The following SPTLC3 variants were observed in gnomAD, a reference collection of about 807,000 sequenced individuals.
SPTLC3 encodes the protein serine palmitoyltransferase 3.
SPTLC3 carries 36 observed loss-of-function variants against 59.3 expected under a neutral mutation model. The observed-to-expected ratio is 0.61, with a 90% confidence interval of 0.47 to 0.80. The LOEUF (loss-of-function observed/expected upper bound fraction) is 0.80, where lower values mean the gene tolerates loss of function less well. Ranked by LOEUF, SPTLC3 falls within the 30% of genes least tolerant of loss-of-function variation. The pLI, the probability that SPTLC3 is intolerant of heterozygous loss-of-function variation, is 0.00. For synonymous variants in SPTLC3, 257 were observed against 240.8 expected, an observed-to-expected ratio of 1.07 and a Z score of -0.62; for missense variants, 625 against 685.1, an observed-to-expected ratio of 0.91 and a Z score of 0.98.
At chr20:13,012,501 T>C (rs1464488393) in intron 1 of SPTLC3, among the ~76,000 whole-genome samples, 1 of 152,214 alleles carries the variant, frequency 6.6e-6, no homozygotes, top group Non-Finnish European at 1.5e-5. Context: ...CAAAGTTAAA[T>C]GCTAGTGCAA....
chr20:13,159,621 T>C (rs1047751187), intron 10 of SPTLC3, among the ~76,000 whole-genome samples: 6 of 152,242 alleles, frequency 3.9e-5, no homozygotes, highest in African/African-American at 1.4e-4. Context: ...TGGAATTGCA[T>C]TATAGGAACT....
At chr20:13,028,529 A>T (rs1040290331) in intron 1 of SPTLC3, among the ~76,000 whole-genome samples, 2 of 152,224 alleles carry the variant, frequency 1.3e-5, no homozygotes, top group African/African-American at 2.4e-5. Flanking sequence ...CCCTAGGAAG[A>T]TGTCCATATA....
chr20:13,060,272 G>A (rs958315144), intron 2 of SPTLC3, among the ~76,000 whole-genome samples: 3 of 152,006 alleles, frequency 2.0e-5, no homozygotes, highest in Admixed American at 2.0e-4. Flanking sequence ...ACGCAAAATC[G>A]CATCTAAGTT....
intron 11 of SPTLC3, among the ~76,000 whole-genome samples, chr20:13,163,977 A>G (rs1162500991): frequency 2.0e-5 from 3 of 152,128 alleles, no homozygotes; most frequent in Non-Finnish European, 4.4e-5. Context: ...ATATGTATAC[A>G]TGTGCCATGT....
chr20:13,161,643 C>T (rs1185561587), intron 11 of SPTLC3, among the ~76,000 whole-genome samples: 2 of 152,040 alleles, frequency 1.3e-5, no homozygotes, highest in African/African-American at 2.4e-5. Flanking sequence ...CAAAATGCCC[C>T]TCAAAACTGC....
chr20:13,063,233 C>G (rs1443436766), intron 2 of SPTLC3, among the ~76,000 whole-genome samples: 2 of 152,200 alleles, frequency 1.3e-5, no homozygotes, highest in African/African-American at 4.8e-5. Context: ...TCTTCTCAGA[C>G]TGGCAGTTCC....
chr20:13,116,153 T>G (rs1600307420), intron 7 of SPTLC3, among the ~76,000 whole-genome samples: 1 of 151,754 alleles, frequency 6.6e-6, no homozygotes, highest in East Asian at 1.9e-4. Flanking sequence ...CACCCGTTGG[T>G]CTGGGTGACT....
At chr20:13,035,294 T>G (rs1287834916) in intron 1 of SPTLC3, among the ~76,000 whole-genome samples, 1 of 152,178 alleles carries the variant, frequency 6.6e-6, no homozygotes, top group Non-Finnish European at 1.5e-5. Flanking sequence ...GGAGTTTTGA[T>G]GCTGTCGAAA....
At chr20:13,102,600 C>T (rs1989642765) in intron 6 of SPTLC3, among the ~76,000 whole-genome samples, 1 of 152,166 alleles carries the variant, frequency 6.6e-6, no homozygotes, top group Non-Finnish European at 1.5e-5. Flanking sequence ...CTCCATCTCC[C>T]GTACACCTCT....
At chr20:13,019,504 T>G (rs972316865) in intron 1 of SPTLC3, among the ~76,000 whole-genome samples, 6 of 152,090 alleles carry the variant, frequency 3.9e-5, no homozygotes, top group African/African-American at 1.4e-4. Flanking sequence ...GATAGATGAG[T>G]CTTCCACCTT....
chr20:13,160,237 T>C (rs2122995470), intron 11 of SPTLC3, 105 bp downstream of exon 11: 1 of 1,373,834 alleles, frequency 7.3e-7, no homozygotes, highest in East Asian at 2.5e-5. Context: ...TCTTGGGTTA[T>C]TTAGGAAAAC....
intron 1 of SPTLC3, among the ~76,000 whole-genome samples, chr20:13,020,493 A>T (rs1985821879): frequency 6.6e-6 from 1 of 152,032 alleles, no homozygotes; most frequent in African/African-American, 2.4e-5. Flanking sequence ...GCTCCACTGC[A>T]CTCCAGCCTA....
chr20:13,016,780 T>C (rs2122370336), intron 1 of SPTLC3, among the ~76,000 whole-genome samples: 1 of 152,290 alleles, frequency 6.6e-6, no homozygotes, highest in African/African-American at 2.4e-5. Flanking sequence ...TGGCCTATAG[T>C]TAAATCTTTG....
intron 3 of SPTLC3, chr20:13,074,000 G>C: frequency 1.6e-6 from 1 of 617,350 alleles, no homozygotes; most frequent in Non-Finnish European, 3.2e-6. Flanking sequence ...ATGAATATCG[G>C]AGATAGTCCT....
chr20:13,028,911 C>T (rs1165015533), intron 1 of SPTLC3, among the ~76,000 whole-genome samples: 2 of 152,180 alleles, frequency 1.3e-5, no homozygotes, highest in Non-Finnish European at 2.9e-5. Context: ...TAGGAAGCAA[C>T]AGAGACTCAA....
intron 9 of SPTLC3, among the ~76,000 whole-genome samples, chr20:13,146,639 G>C (rs2038516284): frequency 6.6e-6 from 1 of 152,002 alleles, no homozygotes. Flanking sequence ...CTGTCTCATG[G>C]CACCTATTTT....
chr20:13,138,168 G>A (rs113803571), intron 9 of SPTLC3, among the ~76,000 whole-genome samples: 35 of 152,302 alleles, frequency 2.3e-4, no homozygotes, highest in African/African-American at 8.4e-4. Context: ...TTTCTGGGTT[G>A]ATACCTGTTT....
At chr20:13,126,850 C>G (rs2038005770) in intron 9 of SPTLC3, 133 bp downstream of exon 9, 2 of 1,255,708 alleles carry the variant, frequency 1.6e-6, no homozygotes, top group East Asian at 5.0e-5. Flanking sequence ...GTGATAAATG[C>G]ACAAAACTGC....
chr20:13,122,460 C>G (rs562825526), intron 8 of SPTLC3, among the ~76,000 whole-genome samples: 115 of 152,332 alleles, frequency 7.5e-4, no homozygotes, highest in African/African-American at 2.8e-3. Context: ...ACCAAGCTTA[C>G]TCTTCTGGGG....
Sources: gnomAD v4.1 joint callset for allele counts (sites outside exome capture counted in the v4.1 genomes callset) on GRCh38, gnomAD v4.1.1 for gene constraint, MANE v1.5 for transcripts, NCBI Gene and HGNC (gene_info 2026-07-23, HGNC 2026-07-21) for gene names.